Variants in PRKN observed in about 807,000 individuals in gnomAD.
PRKN encodes the protein parkin RBR E3 ubiquitin protein ligase.
A neutral mutation model predicts 59.5 loss-of-function variants in PRKN; 56 were observed. The ratio of observed to expected loss-of-function variants is 0.94; its 90% CI spans 0.76 to 1.18. The LOEUF is 1.18. Among genes scored for constraint, PRKN ranks in the 50% most tolerant of loss-of-function variants. PRKN has a pLI of 0.00. For synonymous variants in PRKN, 250 were observed against 222.1 expected, an observed-to-expected ratio of 1.13 and a Z score of -1.12; for missense variants, 657 against 596.4, an observed-to-expected ratio of 1.10 and a Z score of -1.06.
chr6:162,335,039 A>T (rs917011113), intron 2 of PRKN, among the ~76,000 whole-genome samples: 1 of 152,184 alleles, frequency 6.6e-6, no homozygotes, highest in Admixed American at 6.5e-5. Context: ...TTGAGACAAG[A>T]GTCTTGCTCT....
At chr6:161,810,607 C>G (rs550715145) in intron 6 of PRKN, among the ~76,000 whole-genome samples, 21 of 152,234 alleles carry the variant, frequency 1.4e-4, no homozygotes, top group African/African-American at 4.8e-4. Flanking sequence ...TCCCTTGGAT[C>G]AAGACATGGC....
rs150025542 is a variant in PRKN at position 162,213,749 on chromosome 6, A to T, written c.413-12497T>A. 7.9e-3 allele frequency among the ~76,000 whole-genome samples: 1,201 copies of T among 151,804 alleles called. 22 individuals are homozygous for T. Among genetic ancestry groups the T allele is most frequent in the Admixed American group, 0.035 (528 of 15,196 alleles). On this transcript the variant is annotated intron_variant, in intron 3 of 11. Transcript: ENST00000366898. Reference sequence around the variant, plus strand: ...CACCCTGCCTTAAAAAAATAAAAAAAATGTATATTTTGTAGAATTATTACT... The same window carrying T: ...CACCCTGCCTTAAAAAAATAAAAAATATGTATATTTTGTAGAATTATTACT...
intron 3 of PRKN, 25 bp downstream of exon 3, chr6:162,262,500 A>G (rs536832433): frequency 9.3e-6 from 15 of 1,613,870 alleles, no homozygotes; most frequent in Non-Finnish European, 1.3e-5. Context: ...AAAATGCTTT[A>G]ATAATCTTAG....
At chr6:162,574,322 G>A (rs3949079) in intron 1 of PRKN, among the ~76,000 whole-genome samples, 5 of 152,000 alleles carry the variant, frequency 3.3e-5, no homozygotes, top group African/African-American at 1.2e-4. Flanking sequence ...AAGGAAACAG[G>A]CTTCTGTAGT....
intron 6 of PRKN, among the ~76,000 whole-genome samples, chr6:161,835,893 T>C (rs1001539388): frequency 1.3e-5 from 2 of 152,226 alleles, no homozygotes; most frequent in African/African-American, 4.8e-5. Flanking sequence ...CTCCAGCACA[T>C]ATCGATTTGA....
At chr6:162,443,126 C>T (rs1790139839) in intron 2 of PRKN, among the ~76,000 whole-genome samples, 184 bp downstream of exon 2, 1 of 152,096 alleles carries the variant, frequency 6.6e-6, no homozygotes, top group Non-Finnish European at 1.5e-5. Context: ...ATCTTTCCTG[C>T]TTGCTGTTTT....
chr6:161,879,274 T>C (rs1003295421), intron 6 of PRKN, among the ~76,000 whole-genome samples: 2 of 151,622 alleles, frequency 1.3e-5, no homozygotes, highest in Admixed American at 1.3e-4. Context: ...AATCAGCAAA[T>C]GATTACCAAG....
At chr6:161,640,394 C>T (rs974641818) in intron 7 of PRKN, among the ~76,000 whole-genome samples, 1 of 152,118 alleles carries the variant, frequency 6.6e-6, no homozygotes, top group Non-Finnish European at 1.5e-5. Flanking sequence ...AAGGCACTCA[C>T]TGGGGTAGTC....
At chr6:162,587,436 C>G (rs1781109002) in intron 1 of PRKN, among the ~76,000 whole-genome samples, 1 of 152,074 alleles carries the variant, frequency 6.6e-6, no homozygotes, top group South Asian at 2.1e-4. Flanking sequence ...ACGCCCAGCC[C>G]ACAGTAGCAT....
At chr6:161,721,686 C>A (rs966010636) in intron 7 of PRKN, among the ~76,000 whole-genome samples, 1 of 152,176 alleles carries the variant, frequency 6.6e-6, no homozygotes, top group Admixed American at 6.5e-5. Context: ...GCTGGGGCTG[C>A]GTGGATGGCC....
intron 1 of PRKN, among the ~76,000 whole-genome samples, chr6:162,658,422 G>A (rs1259181211): frequency 1.2e-4 from 18 of 152,170 alleles, no homozygotes; most frequent in Admixed American, 1.2e-3. Context: ...AGCACTTTGG[G>A]AGACCGACGC....
At chr6:162,175,176 T>C (rs1783475221) in intron 4 of PRKN, among the ~76,000 whole-genome samples, 1 of 152,230 alleles carries the variant, frequency 6.6e-6, no homozygotes, top group Non-Finnish European at 1.5e-5. Context: ...CTTGGTAGGA[T>C]GTTAGCCTCC....
At chr6:161,597,955 C>A (rs1781976038) in intron 7 of PRKN, among the ~76,000 whole-genome samples, 1 of 152,138 alleles carries the variant, frequency 6.6e-6, no homozygotes, top group African/African-American at 2.4e-5. Flanking sequence ...GTGCATTTTT[C>A]TTAGTGCAGA....
rs1554261920 is a variant in PRKN at position 162,021,165 on chromosome 6, T to TATAA, written c.618+32925_618+32926insTTAT. ...ATATATATATATATATATATATATA[T>TATAA]AAAATATATGTGTATATATATTATA... is the stretch of plus-strand genomic sequence containing the variant. On this transcript the variant is annotated intron_variant, in intron 5 of 11. Transcript: ENST00000366898. Among the ~76,000 whole-genome samples, 17 of 31,372 alleles carry TATAA rather than the reference T, an allele frequency of 5.4e-4. 1 individual carries two copies. The highest frequency in any genetic ancestry group is 2.4e-3 in the South Asian group (3 of 1,248). 20.6% of individuals were successfully genotyped at this position (31,372 alleles called of 152,430 possible).
intron 9 of PRKN, among the ~76,000 whole-genome samples, chr6:161,531,616 G>C (rs1351490848): frequency 1.3e-5 from 2 of 152,090 alleles, no homozygotes; most frequent in Non-Finnish European, 2.9e-5. Flanking sequence ...CTCTTTAGGG[G>C]GCTTGTACGT....
intron 7 of PRKN, among the ~76,000 whole-genome samples, chr6:161,634,686 A>T (rs1783448650): frequency 6.6e-6 from 1 of 152,062 alleles, no homozygotes; most frequent in Non-Finnish European, 1.5e-5. Context: ...GAGCCGTGGA[A>T]TTTACCTGGA....
intron 2 of PRKN, among the ~76,000 whole-genome samples, chr6:162,281,481 T>G (rs867560179): frequency 6.6e-6 from 1 of 152,270 alleles, no homozygotes; most frequent in East Asian, 1.9e-4. Context: ...AAAAATTGTA[T>G]GTATTTCATG....
intron 4 of PRKN, among the ~76,000 whole-genome samples, chr6:162,111,566 G>A (rs1333718730): frequency 2.0e-5 from 3 of 152,252 alleles, no homozygotes; most frequent in East Asian, 1.9e-4. Context: ...ATCATGTTTT[G>A]TGTGAGTGCG....
Position 162,580,568 on chromosome 6 carries a change from GAA to G in PRKN, c.8-137097_8-137096del, listed in dbSNP as rs35986286. ...TAGGAGGATAACAATGGCAAACAGAGAAAAAAAAAAAAATCTGTACGATGCCC... is the reference window on the plus strand; with the variant it reads ...TAGGAGGATAACAATGGCAAACAGAGAAAAAAAAAAATCTGTACGATGCCC... On this transcript the variant is annotated intron_variant, in intron 1 of 11. Transcript: ENST00000366898. Among the ~76,000 whole-genome samples, 678 of 144,754 alleles carry G rather than the reference GAA, an allele frequency of 4.7e-3. 10 individuals are homozygous for G. Among genetic ancestry groups the G allele is most frequent in the Admixed American group, 0.018 (263 of 14,590 alleles). The allele number at this position is 144,754 out of a possible 152,430, so 95.0% of individuals were successfully genotyped here.
Sources: allele counts gnomAD v4.1 joint callset (sites outside exome capture counted in the v4.1 genomes callset), GRCh38; gene constraint gnomAD v4.1.1; transcripts MANE v1.5; gene names NCBI Gene and HGNC (gene_info 2026-07-23, HGNC 2026-07-21).